The following USH2A variants were observed in gnomAD, a reference collection of about 807,000 sequenced individuals.
USH2A encodes the protein Usher syndrome 2A (autosomal recessive, mild).
A neutral mutation model predicts 538.9 loss-of-function variants in USH2A; 443 were observed. The observed-to-expected ratio is 0.82, with a 90% CI of 0.76 to 0.89. The LOEUF (loss-of-function observed/expected upper bound fraction) is 0.89. Ranked by LOEUF, USH2A falls within the 40% of genes least tolerant of loss-of-function variation. The pLI, the probability that USH2A is intolerant of heterozygous loss-of-function variation, is 0.00. For missense variants in USH2A, 6,633 were observed against 6,324.8 expected, an observed-to-expected ratio of 1.05 and a Z score of -1.65; for synonymous variants, 2,413 against 2,273.5, an observed-to-expected ratio of 1.06 and a Z score of -1.75.
chr1:216,137,279 C>T (rs895037656), intron 21 of USH2A, among the ~76,000 whole-genome samples: 1 of 151,968 alleles, frequency 6.6e-6, no homozygotes, highest in Non-Finnish European at 1.5e-5. Context: ...AAAGACATAC[C>T]CAAAACTGGG....
At chr1:215,983,953 T>C (rs936391961) in intron 35 of USH2A, among the ~76,000 whole-genome samples, 17 of 152,174 alleles carry the variant, frequency 1.1e-4, no homozygotes, top group East Asian at 7.7e-4. Flanking sequence ...ATAGGAAATG[T>C]AGCCTTTACT....
At chr1:216,084,488 A>C (rs1048977431) in intron 25 of USH2A, among the ~76,000 whole-genome samples, 5 of 152,188 alleles carry the variant, frequency 3.3e-5, no homozygotes, top group Admixed American at 6.5e-5. Flanking sequence ...TACCAGAGAT[A>C]TCATACATGG....
intron 64 of USH2A, among the ~76,000 whole-genome samples, chr1:215,663,767 G>A (rs1326868140): frequency 2.0e-5 from 3 of 152,114 alleles, no homozygotes; most frequent in East Asian, 1.9e-4. Context: ...TTATATGGGC[G>A]AAGTGGTTTC....
intron 30 of USH2A, among the ~76,000 whole-genome samples, chr1:216,050,794 A>G (rs1458859381): frequency 6.6e-6 from 1 of 150,590 alleles, no homozygotes; most frequent in Non-Finnish European, 1.5e-5. Flanking sequence ...TTTAGTAGAG[A>G]TGGGGTTTCA....
chr1:215,981,260 C>T (rs1287064695), intron 35 of USH2A, among the ~76,000 whole-genome samples: 1 of 151,874 alleles, frequency 6.6e-6, no homozygotes, highest in Non-Finnish European at 1.5e-5. Flanking sequence ...ATGTTAACTC[C>T]AGTTTGTTAT....
intron 61 of USH2A, among the ~76,000 whole-genome samples, chr1:215,720,773 G>C (rs1175382104): frequency 6.6e-6 from 1 of 152,154 alleles, no homozygotes; most frequent in Non-Finnish European, 1.5e-5. Context: ...TAGCCAGAGA[G>C]TGTATTGCCT....
chr1:215,895,964 G>A (rs1665329621), intron 40 of USH2A, among the ~76,000 whole-genome samples: 1 of 152,152 alleles, frequency 6.6e-6, no homozygotes, highest in South Asian at 2.1e-4. Flanking sequence ...AATGATAAGT[G>A]TGTATCTCAA....
intron 9 of USH2A, among the ~76,000 whole-genome samples, chr1:216,307,866 A>C (rs971576395): frequency 6.6e-6 from 1 of 152,162 alleles, no homozygotes; most frequent in African/African-American, 2.4e-5. Flanking sequence ...GTTCCCCAGG[A>C]AGGCTATGTG....
chr1:216,227,272 G>A (rs1429959759), intron 14 of USH2A, among the ~76,000 whole-genome samples: 1 of 152,142 alleles, frequency 6.6e-6, no homozygotes, highest in African/African-American at 2.4e-5. Flanking sequence ...AAGAATGAAT[G>A]AGAAAGAAAC....
At chr1:216,095,214 TCTC>T (rs1382179434) in intron 22 of USH2A, among the ~76,000 whole-genome samples, 3 of 152,126 alleles carry the variant, frequency 2.0e-5, no homozygotes, top group Non-Finnish European at 4.4e-5. Context: ...TGCTTTTTGT[TCTC>T]CTTCCGATTC....
chr1:216,141,459 C>T (rs1055814187), intron 21 of USH2A, among the ~76,000 whole-genome samples: 1 of 152,178 alleles, frequency 6.6e-6, no homozygotes, highest in Admixed American at 6.5e-5. Context: ...ACAGCCTTTC[C>T]ATTTAGGCTG....
chr1:215,710,448 G>A (rs991045918), intron 61 of USH2A, among the ~76,000 whole-genome samples: 4 of 152,124 alleles, frequency 2.6e-5, no homozygotes, highest in African/African-American at 9.7e-5. Flanking sequence ...AGTACAAGCA[G>A]GGGCAAAGAT....
intron 30 of USH2A, among the ~76,000 whole-genome samples, chr1:216,065,978 CAATA>C (rs1445656361): frequency 6.6e-5 from 10 of 152,088 alleles, no homozygotes; most frequent in African/African-American, 2.4e-4. Flanking sequence ...TAGAAATGGT[CAATA>C]AATATTAAAA....
At chr1:215,635,236 A>G (rs1019012044) in intron 69 of USH2A, among the ~76,000 whole-genome samples, 1 of 152,172 alleles carries the variant, frequency 6.6e-6, no homozygotes, top group Non-Finnish European at 1.5e-5. Flanking sequence ...ATTTTCCATT[A>G]TGATATTAAC....
At chr1:216,389,494 T>G (rs963725269) in intron 3 of USH2A, among the ~76,000 whole-genome samples, 3 of 152,174 alleles carry the variant, frequency 2.0e-5, no homozygotes, top group African/African-American at 7.2e-5. Context: ...AGCAAGATTT[T>G]TCTAATTAAA....
At chr1:215,838,793 A>C (rs957388599) in intron 46 of USH2A, among the ~76,000 whole-genome samples, 2 of 152,206 alleles carry the variant, frequency 1.3e-5, no homozygotes, top group African/African-American at 4.8e-5. Context: ...GAGAGAAATG[A>C]ATATGCAAAA....
chr1:216,175,612 T>A (rs1225577516), intron 20 of USH2A, 130 bp from the exon 21 acceptor site: 5 of 879,874 alleles, frequency 5.7e-6, no homozygotes, highest in Non-Finnish European at 9.1e-6. Flanking sequence ...GTTTCAAGTA[T>A]CTGTATGGCT....
intron 4 of USH2A, among the ~76,000 whole-genome samples, chr1:216,341,077 A>C (rs1408627005): frequency 6.6e-6 from 1 of 152,166 alleles, no homozygotes; most frequent in Non-Finnish European, 1.5e-5. Flanking sequence ...AGGCGACATG[A>C]TTCTATATTT....
chr1:216,298,190 G>A (rs1236944649), intron 9 of USH2A, among the ~76,000 whole-genome samples: 2 of 152,172 alleles, frequency 1.3e-5, no homozygotes, highest in African/African-American at 4.8e-5. Context: ...TGGTGGAAGT[G>A]ATGAGATGGA....
Sources: allele counts gnomAD v4.1 joint callset (sites outside exome capture counted in the v4.1 genomes callset), GRCh38; gene constraint gnomAD v4.1.1; transcripts MANE v1.5; gene names NCBI Gene and HGNC (gene_info 2026-07-23, HGNC 2026-07-21).